Variants in HS3ST5 observed in about 807,000 individuals in gnomAD.
HS3ST5 encodes the protein heparan sulfate glucosamine 3-O-sulfotransferase 5.
In HS3ST5, 10 loss-of-function variants were observed where a neutral mutation model predicts 25.4. That is an observed-to-expected ratio of 0.39 (90% CI 0.24 to 0.67). The LOEUF (loss-of-function observed/expected upper bound fraction) is 0.67, where lower values mean the gene tolerates loss of function less well. Among genes scored for constraint, HS3ST5 ranks in the 30% least tolerant of loss-of-function variants. The probability of loss-of-function intolerance (pLI) is 0.44; values close to 1 mark genes in which losing one functional copy is unlikely to be tolerated. For missense variants in HS3ST5, 324 were observed against 420.7 expected (o/e 0.77, Z 2.01); for synonymous variants, 170 against 162.4 (o/e 1.05, Z -0.36).
intron 1 of HS3ST5, among the ~76,000 whole-genome samples, chr6:114,259,296 A>C (rs1341049304): frequency 6.6e-6 from 1 of 151,854 alleles, no homozygotes; most frequent in African/African-American, 2.4e-5. Context: ...TTCATAATTG[A>C]TGACACTGTT....
At chr6:114,221,055 C>G (rs901242148) in intron 2 of HS3ST5, among the ~76,000 whole-genome samples, 5 of 151,970 alleles carry the variant, frequency 3.3e-5, no homozygotes, top group African/African-American at 1.2e-4. Context: ...CTATTATTAA[C>G]TGGCACAGGG....
At chr6:114,262,686 C>T (rs1773232702) in intron 1 of HS3ST5, among the ~76,000 whole-genome samples, 1 of 151,712 alleles carries the variant, frequency 6.6e-6, no homozygotes, top group Non-Finnish European at 1.5e-5. Flanking sequence ...ATATATTTAC[C>T]TTTAAAAATG....
chr6:114,145,058 ACT>A (rs1466715447), intron 3 of HS3ST5, among the ~76,000 whole-genome samples: 2 of 151,460 alleles, frequency 1.3e-5, no homozygotes, highest in Non-Finnish European at 2.9e-5. Context: ...CAGTTCCTCC[ACT>A]CTCTGTTGAT....
intron 1 of HS3ST5, among the ~76,000 whole-genome samples, chr6:114,250,527 G>A (rs1772608456): frequency 6.6e-6 from 1 of 150,718 alleles, no homozygotes; most frequent in Non-Finnish European, 1.5e-5. Flanking sequence ...CTTGCAGTGA[G>A]CCAAGATCAC....
chr6:114,065,205 G>C (rs969647070), intron 3 of HS3ST5, among the ~76,000 whole-genome samples: 1 of 152,202 alleles, frequency 6.6e-6, no homozygotes, highest in African/African-American at 2.4e-5. Context: ...CCATTTCATA[G>C]GTCAAGTGAA....
chr6:114,308,855 C>T (rs1199320625), intron 1 of HS3ST5, among the ~76,000 whole-genome samples: 1 of 152,152 alleles, frequency 6.6e-6, no homozygotes, highest in Non-Finnish European at 1.5e-5. Flanking sequence ...AGAAACATTT[C>T]TCCTCCCAAG....
At chr6:114,228,255 G>T (rs182600786) in intron 2 of HS3ST5, among the ~76,000 whole-genome samples, 13 of 152,096 alleles carry the variant, frequency 8.5e-5, no homozygotes, top group Admixed American at 1.3e-4. Flanking sequence ...GCATTTTAAG[G>T]ATCCCTCCTC....
rs191672423 is a variant in HS3ST5, at chr6:114,293,249, G to A, written c.-339+48946C>T. Among the ~76,000 whole-genome samples the A allele has an allele frequency of 1.9e-3, 289 of 152,246 alleles. 1 individual carries two copies. The highest frequency in any genetic ancestry group is 2.7e-3 in the Non-Finnish European group (187 of 68,014). On this transcript the variant is annotated intron_variant, in intron 1 of 4. Transcript: ENST00000312719. ...AGCAGCAGCCTAGGGCTCAGAGCAGGAGAAAGAGCACCAAGTGTTCAGGAC... is the reference window on the plus strand; with the variant it reads ...AGCAGCAGCCTAGGGCTCAGAGCAGAAGAAAGAGCACCAAGTGTTCAGGAC...
chr6:114,248,006 C>A (rs550776877), intron 1 of HS3ST5, among the ~76,000 whole-genome samples: 48 of 151,622 alleles, frequency 3.2e-4, no homozygotes, highest in African/African-American at 1.1e-3. Flanking sequence ...TCGAGACCAG[C>A]CCAGCCAACA....
At chr6:114,229,186 T>A (rs868771092) in intron 1 of HS3ST5, among the ~76,000 whole-genome samples, 1 of 152,208 alleles carries the variant, frequency 6.6e-6, no homozygotes. Context: ...TGGAATCATC[T>A]GGTAATTTTG....
Position 114,057,121 on chromosome 6 carries a change from G to T in HS3ST5, c.*136C>A. On this transcript the variant is annotated 3_prime_UTR_variant, in exon 5 of 5. Coordinates refer to ENST00000312719, the MANE Select transcript of HS3ST5 (RefSeq NM_153612.4). ...AGAAAAAGAACTGATCTTATATTTG[G>T]TCACACACTGCGTATGTACAAATAT... 2 of 613,974 alleles carry T rather than the reference G, an allele frequency of 3.3e-6. No homozygotes were observed. Among genetic ancestry groups the T allele is most frequent in the Non-Finnish European group, 5.5e-6 (2 of 362,252 alleles). The allele number at this position is 613,974 out of a possible 1,614,324, so 38.0% of individuals were successfully genotyped here. A position where few individuals can be genotyped will look rare whatever the true frequency, so the allele number is the denominator to read the frequency against.
intron 2 of HS3ST5, among the ~76,000 whole-genome samples, chr6:114,176,617 G>A (rs951476600): frequency 3.3e-5 from 5 of 152,028 alleles, no homozygotes; most frequent in African/African-American, 7.2e-5. Flanking sequence ...ATGGGGTTGC[G>A]GCTGGAAGTG....
At chr6:114,262,917 T>C (rs566169710) in intron 1 of HS3ST5, among the ~76,000 whole-genome samples, 3 of 152,260 alleles carry the variant, frequency 2.0e-5, no homozygotes, top group East Asian at 1.9e-4. Context: ...TTTGAAGATT[T>C]TTCTATGCTT....
chr6:114,230,596 CTT>C (rs5879253), intron 1 of HS3ST5, among the ~76,000 whole-genome samples: 7 of 136,886 alleles, frequency 5.1e-5, no homozygotes, highest in Non-Finnish European at 6.2e-5. Context: ...CCTTAAGACT[CTT>C]TTTTTTTTTT....
intron 1 of HS3ST5, among the ~76,000 whole-genome samples, chr6:114,323,455 T>C (rs1465341646): frequency 6.6e-6 from 1 of 152,122 alleles, no homozygotes. Context: ...TAACCCTTAG[T>C]TGACAGTATG....
At chr6:114,192,780 G>C (rs991494541) in intron 2 of HS3ST5, among the ~76,000 whole-genome samples, 16 of 151,836 alleles carry the variant, frequency 1.1e-4, no homozygotes, top group African/African-American at 3.6e-4. Flanking sequence ...CTACCCTAGG[G>C]GTATAAAGTA....
chr6:114,280,695 C>G (rs1038821239), intron 1 of HS3ST5, among the ~76,000 whole-genome samples: 1 of 151,990 alleles, frequency 6.6e-6, no homozygotes, highest in Admixed American at 6.6e-5. Context: ...AAATAAGAGA[C>G]TTCATCTCTT....
chr6:114,062,795 T>C lies in HS3ST5; in HGVS notation c.51A>G (p.Gly17=). Residue 17 remains glycine, a synonymous_variant, in exon 4 of 5, where the codon GGA becomes GGG. Transcript: ENST00000312719. ...AWLRQKLLVL[G]SLAVGSLLYL... ...ACAGGAGACTCCCAACGGCAAGGCT[T>C]CCCAGCACCAGGAGCTTCTGTCTCA... is the stretch of plus-strand genomic sequence containing the variant. 6.2e-7 allele frequency: 1 copy of C among 1,614,034 alleles called. No individual in the cohort carries two copies. The highest frequency in any genetic ancestry group is 8.5e-7 in the Non-Finnish European group (1 of 1,179,952).
intron 3 of HS3ST5, among the ~76,000 whole-genome samples, chr6:114,128,663 T>G (rs759361718): frequency 6.6e-5 from 10 of 152,236 alleles, no homozygotes; most frequent in Non-Finnish European, 1.0e-4. Context: ...CTGTAGATTT[T>G]ACAACTTGTA....
Sources: gnomAD v4.1 joint callset for allele counts (sites outside exome capture counted in the v4.1 genomes callset) on GRCh38, gnomAD v4.1.1 for gene constraint, MANE v1.5 for transcripts, NCBI Gene and HGNC (gene_info 2026-07-23, HGNC 2026-07-21) for gene names.